Variants in PAH observed in about 807,000 individuals in gnomAD.
PAH encodes phenylalanine hydroxylase, also known as phenylalanine-4-hydroxylase.
PAH carries 64 observed loss-of-function variants against 62.0 expected under a neutral mutation model. The ratio of observed to expected loss-of-function variants is 1.03; its 90% CI spans 0.84 to 1.27. The LOEUF (loss-of-function observed/expected upper bound fraction) is 1.27, where lower values mean the gene tolerates loss of function less well. Ranked by LOEUF, PAH falls within the 50% of genes most tolerant of loss-of-function variation. PAH has a pLI of 0.00. For missense variants in PAH, 579 were observed against 542.8 expected (o/e 1.07, Z -0.66); for synonymous variants, 195 against 196.2 (o/e 0.99, Z 0.05).
upstream of PAH, among the ~76,000 whole-genome samples, chr12:102,918,991 C>T (rs1009884461): frequency 2.6e-5 from 4 of 152,130 alleles, no homozygotes; most frequent in Admixed American, 2.0e-4. Flanking sequence ...AGAATATTAT[C>T]TACTTATTTG....
intron 2 of PAH, among the ~76,000 whole-genome samples, chr12:102,899,896 CA>C (rs1289669635): frequency 5.3e-5 from 5 of 93,760 alleles, no homozygotes; most frequent in Admixed American, 2.3e-4. Flanking sequence ...AAGTGAGTAA[CA>C]AAAACAACAA....
intron 3 of PAH, among the ~76,000 whole-genome samples, chr12:102,894,270 T>C (rs1565866183): frequency 6.6e-6 from 1 of 152,202 alleles, no homozygotes; most frequent in African/African-American, 2.4e-5. Context: ...GGTATTATGC[T>C]GATTACCTGG....
At chr12:102,864,986 A>G (rs1173624809) in intron 5 of PAH, among the ~76,000 whole-genome samples, 1 of 152,164 alleles carries the variant, frequency 6.6e-6, no homozygotes, top group East Asian at 1.9e-4. Flanking sequence ...CCTTCGGCAC[A>G]TCAGTTAGTT....
At chr12:102,856,128 G>A (rs1167022568) in intron 5 of PAH, among the ~76,000 whole-genome samples, 1 of 148,968 alleles carries the variant, frequency 6.7e-6, no homozygotes, top group Non-Finnish European at 1.5e-5. Context: ...TTGGAACAAA[G>A]GAGAGAAAAT....
At chr12:102,935,164 T>C (rs2136754394) in intron 1 of PAH, among the ~76,000 whole-genome samples, 1 of 152,272 alleles carries the variant, frequency 6.6e-6, no homozygotes, top group Non-Finnish European at 1.5e-5. Context: ...CATATGGTTT[T>C]TGTCCTTCAT....
intron 11 of PAH, among the ~76,000 whole-genome samples, chr12:102,841,414 G>A (rs960957638): frequency 6.6e-6 from 1 of 152,144 alleles, no homozygotes; most frequent in African/African-American, 2.4e-5. Flanking sequence ...GGCAAGAGTG[G>A]CTCCCCAAGT....
At chr12:102,843,315 A>C (rs1874668990) in intron 11 of PAH, among the ~76,000 whole-genome samples, 1 of 152,148 alleles carries the variant, frequency 6.6e-6, no homozygotes, top group Non-Finnish European at 1.5e-5. Flanking sequence ...TGGGAGAAGA[A>C]AGTGAAGAAA....
chr12:102,846,137 G>T (rs994559285), intron 9 of PAH, among the ~76,000 whole-genome samples: 2 of 152,152 alleles, frequency 1.3e-5, no homozygotes, highest in East Asian at 1.9e-4. Flanking sequence ...CATTGTTAGA[G>T]ATGAGGAAGA....
At chr12:102,958,370 C>CGCAGCCGCGGCG, upstream of PAH, 1 of 1,442,798 alleles carries the variant, frequency 6.9e-7, no homozygotes, top group Non-Finnish European at 9.1e-7. Flanking sequence ...CGGCCGCAGC[C>CGCAGCCGCGGCG]GCCGCAGCGG....
chr12:102,855,171 A>G lies in PAH; in HGVS notation c.671T>C (p.Ile224Thr), dbSNP rs62507323. 1 of 1,614,172 alleles carries G rather than the reference A, an allele frequency of 6.2e-7. No individual in the cohort carries two copies. Among genetic ancestry groups the G allele is most frequent in the Middle Eastern group, 1.7e-4 (1 of 6,060 alleles). Residue 224 changes from isoleucine to threonine, a missense_variant, in exon 6 of 13, where the codon ATT (isoleucine) becomes ACT (threonine). Transcript: ENST00000553106. ...EKYCGFHEDN[I>T]PQLEDVSQFL... ...CTGAGAAACGTCTTCCAGCTGGGGA[A>G]TGTTATCTTCATGGAAGCCACAGTA... is the stretch of plus-strand genomic sequence containing the variant.
chr12:102,888,637 A>G (rs1877135948), intron 3 of PAH, among the ~76,000 whole-genome samples: 1 of 151,202 alleles, frequency 6.6e-6, no homozygotes, highest in African/African-American at 2.4e-5. Flanking sequence ...CAGTCTACCA[A>G]GGATATGAAG....
In PAH at chr12:102,839,183, T is replaced by C; in HGVS notation, c.1351A>G (p.Ile451Val). Residue 451 changes from isoleucine to valine, a missense_variant, in exon 13 of 13, where the codon ATA (isoleucine) becomes GTA (valine). Transcript: ENST00000553106. ...IGILCSALQKIK is the reference protein window; with the variant it reads ...IGILCSALQKVK Reference sequence around the variant, plus strand: ...ACATTCTGTCCATGGCTTTACTTTATTTTCTGGAGGGCACTGCAAAGGATT... The same window carrying C: ...ACATTCTGTCCATGGCTTTACTTTACTTTCTGGAGGGCACTGCAAAGGATT... The C allele has an allele frequency of 6.2e-7, 1 of 1,613,844 alleles. No individual in the cohort carries two copies.
chr12:102,897,838 C>T (rs1159277783), intron 2 of PAH, among the ~76,000 whole-genome samples: 1 of 152,146 alleles, frequency 6.6e-6, no homozygotes, highest in African/African-American at 2.4e-5. Context: ...CAAATGCATC[C>T]TCTAAAAAAT....
chr12:102,901,571 C>A (rs1185312847), intron 2 of PAH, among the ~76,000 whole-genome samples: 1 of 152,008 alleles, frequency 6.6e-6, no homozygotes, highest in East Asian at 1.9e-4. Context: ...ATTTGTTTTA[C>A]CCTAAATTTT....
At chr12:102,900,306 C>T (rs1877701399) in intron 2 of PAH, among the ~76,000 whole-genome samples, 1 of 152,116 alleles carries the variant, frequency 6.6e-6, no homozygotes, top group Non-Finnish European at 1.5e-5. Context: ...GCCTCAGCCT[C>T]CCAAAGTGCC....
chr12:102,841,275 G>C (rs558430712), intron 11 of PAH, among the ~76,000 whole-genome samples: 1 of 152,274 alleles, frequency 6.6e-6, no homozygotes, highest in South Asian at 2.1e-4. Context: ...CTCTATGAGG[G>C]ACATCATGCA....
intron 4 of PAH, among the ~76,000 whole-genome samples, chr12:102,868,663 T>A (rs1876167651): frequency 6.7e-6 from 1 of 149,676 alleles, no homozygotes. Context: ...ATGATGTGGT[T>A]AAAAAAAAAA....
intron 3 of PAH, among the ~76,000 whole-genome samples, chr12:102,889,445 AGATAGAT>A (rs1877181738): frequency 3.6e-5 from 5 of 140,510 alleles, no homozygotes; most frequent in African/African-American, 1.3e-4. Flanking sequence ...ATAGATAGAT[AGATAGAT>A]GATAGATGAT....
At chr12:102,923,068 C>T (rs1878596657) in intron 1 of PAH, among the ~76,000 whole-genome samples, 1 of 152,164 alleles carries the variant, frequency 6.6e-6, no homozygotes, top group Non-Finnish European at 1.5e-5. Flanking sequence ...TACCACTGGG[C>T]AAATGTCAAC....
Sources: allele counts gnomAD v4.1 joint callset (sites outside exome capture counted in the v4.1 genomes callset), GRCh38; gene constraint gnomAD v4.1.1; transcripts MANE v1.5; gene names NCBI Gene and HGNC (gene_info 2026-07-23, HGNC 2026-07-21).